RAD51D: variants seen among roughly 807,000 people sequenced by gnomAD.
RAD51D encodes the protein DNA repair protein RAD51 homolog 4.
In RAD51D, 38 loss-of-function variants were observed where a neutral mutation model predicts 44.1. That is an observed-to-expected ratio of 0.86 (90% CI 0.67 to 1.13). The LOEUF (loss-of-function observed/expected upper bound fraction) is 1.13. Among genes scored for constraint, RAD51D ranks in the 50% most tolerant of loss-of-function variants. The pLI is 0.00. For synonymous variants in RAD51D, 141 were observed against 166.6 expected (o/e 0.85, Z 1.18); for missense variants, 390 against 414.0 (o/e 0.94, Z 0.50).
intron 3 of RAD51D, among the ~76,000 whole-genome samples, chr17:35,113,763 G>A (rs2091704799): frequency 6.6e-6 from 1 of 152,148 alleles, no homozygotes; most frequent in Non-Finnish European, 1.5e-5. Context: ...CCCCAGTGTG[G>A]TCCCCAGACC....
At position 35,093,462 on chromosome 17, in the gene RAD51D, C is replaced by T. The variant is rs1227383090; in HGVS notation, c.*7491G>A. On this transcript the variant is annotated 3_prime_UTR_variant, in exon 10 of 10. Coordinates refer to ENST00000345365, the MANE Select transcript of RAD51D (RefSeq NM_002878.4). The stretch of plus-strand genomic sequence containing the variant: ...GAGAGGCCAAGGAAGAGCAGAGATT[C>T]AAGGGCTACTCAAAAAGTCAAATGT... 2.0e-5 allele frequency: 3 copies of T among 152,212 alleles called. No homozygotes were observed. The highest frequency in any genetic ancestry group is 1.3e-4 in the Admixed American group (2 of 15,284). 9.4% of individuals were successfully genotyped at this position (152,212 alleles called of 1,614,324 possible).
chr17:35,115,175 C>A, intron 3 of RAD51D: 1 of 456,512 alleles, frequency 2.2e-6, no homozygotes, highest in Non-Finnish European at 4.4e-6. Context: ...GGTTTTACCA[C>A]TGCCTAGAAT....
intron 3 of RAD51D, chr17:35,116,826 T>TG: frequency 1.4e-6 from 2 of 1,443,896 alleles, no homozygotes; most frequent in Non-Finnish European, 1.9e-6. Context: ...ACATGCTCAT[T>TG]GGTGGTTGTG....
At chr17:35,106,627 T>C (rs552950723) in intron 5 of RAD51D, 146 bp from the exon 6 acceptor site, 1 of 718,834 alleles carries the variant, frequency 1.4e-6, no homozygotes, top group East Asian at 2.7e-5. Flanking sequence ...GTTGTCACAG[T>C]GGTGGCTGCC....
chr17:35,101,567 C>T (rs980349114), intron 8 of RAD51D, among the ~76,000 whole-genome samples: 2 of 152,168 alleles, frequency 1.3e-5, no homozygotes, highest in Admixed American at 6.5e-5. Flanking sequence ...CTCGATGCCT[C>T]AGGTTTGACC....
intron 3 of RAD51D, among the ~76,000 whole-genome samples, chr17:35,110,997 C>T (rs1451589977): frequency 6.6e-6 from 1 of 151,842 alleles, no homozygotes; most frequent in Non-Finnish European, 1.5e-5. Context: ...CCCAGCTACC[C>T]GTGAGGTCGA....
At chr17:35,116,890 C>G (rs761294554) in intron 3 of RAD51D, 1 of 1,586,810 alleles carries the variant, frequency 6.3e-7, no homozygotes, top group Non-Finnish European at 8.6e-7. Flanking sequence ...CCTCGTTCAT[C>G]GAAAGCATTC....
At chr17:35,118,397 TAA>T in intron 3 of RAD51D, 102 bp downstream of exon 3, 7 of 858,192 alleles carry the variant, frequency 8.2e-6, no homozygotes, top group Non-Finnish European at 1.1e-5. Flanking sequence ...CATTATTGGT[TAA>T]AAAAAAAACC....
At position 35,094,239 on chromosome 17, in the gene RAD51D, C is replaced by G. The variant is rs777617930; in HGVS notation, c.*6714G>C. The G allele has an allele frequency of 6.6e-6, 1 of 152,162 alleles. No homozygotes were observed. Among genetic ancestry groups the G allele is most frequent in the Non-Finnish European group, 1.5e-5 (1 of 68,072 alleles). 9.4% of individuals were successfully genotyped at this position (152,162 alleles called of 1,614,324 possible). On this transcript the variant is annotated 3_prime_UTR_variant, in exon 10 of 10. Coordinates refer to ENST00000345365, the MANE Select transcript of RAD51D (RefSeq NM_002878.4). ...GCCTCAGCCTTCTGAGTAGCTGGAACTACAGGCACCCGCCACCACGCCCGG... is the reference window on the plus strand; with the variant it reads ...GCCTCAGCCTTCTGAGTAGCTGGAAGTACAGGCACCCGCCACCACGCCCGG...
Position 35,099,656 on chromosome 17 carries a change from T to C in RAD51D, c.*1297A>G, listed in dbSNP as rs1383090521. 2.6e-6 allele frequency: 1 copy of C among 380,044 alleles called. No homozygotes were observed. Among genetic ancestry groups the C allele is most frequent in the East Asian group, 5.6e-5 (1 of 18,002 alleles). The allele number at this position is 380,044 out of a possible 1,614,324, so 23.5% of individuals were successfully genotyped here. On this transcript the variant is annotated 3_prime_UTR_variant, in exon 10 of 10. Coordinates refer to ENST00000345365, the MANE Select transcript of RAD51D (RefSeq NM_002878.4). ...CCCTGTTGCATTCATCACCTCTAAA[T>C]GTCATTACTTTCTGAGTGTAACTCG...
Position 35,098,435 on chromosome 17 carries a change from T to C in RAD51D, c.*2518A>G. ...TTTTTTTTTTTTTTTTGAGACGGAGTCTCACTCTGTCGCTCAGGCTGGAGT... is the reference window on the plus strand; with the variant it reads ...TTTTTTTTTTTTTTTTGAGACGGAGCCTCACTCTGTCGCTCAGGCTGGAGT... On this transcript the variant is annotated 3_prime_UTR_variant, in exon 10 of 10. Coordinates refer to ENST00000345365, the MANE Select transcript of RAD51D (RefSeq NM_002878.4). 1 of 139,996 alleles carries C rather than the reference T, an allele frequency of 7.1e-6. No individual in the cohort carries two copies. 8.7% of individuals were successfully genotyped at this position (139,996 alleles called of 1,614,324 possible).
At chr17:35,104,838 CTTTTTTTT>C (rs777164109) in intron 6 of RAD51D, 1 of 141,932 alleles carries the variant, frequency 7.0e-6, no homozygotes, top group Admixed American at 7.1e-5. Context: ...CTTTCTTTTT[CTTTTTTTT>C]TTTTTTAAGA....
chr17:35,117,187 C>CTTGCCTCA, intron 3 of RAD51D: 1 of 843,682 alleles, frequency 1.2e-6, no homozygotes, highest in East Asian at 2.5e-5. Flanking sequence ...GGGCAGGGGC[C>CTTGCCTCA]TTGCCTCATT....
intron 3 of RAD51D, among the ~76,000 whole-genome samples, chr17:35,109,306 T>C (rs895435309): frequency 6.6e-6 from 1 of 152,246 alleles, no homozygotes; most frequent in African/African-American, 2.4e-5. Context: ...CATTCATCCA[T>C]TGAAGGGCAT....
intron 3 of RAD51D, among the ~76,000 whole-genome samples, chr17:35,108,621 T>C (rs1032437345): frequency 2.0e-5 from 3 of 152,036 alleles, no homozygotes; most frequent in Non-Finnish European, 4.4e-5. Context: ...AGCACGTGTG[T>C]TGATGTGTCT....
intron 3 of RAD51D, among the ~76,000 whole-genome samples, chr17:35,113,788 C>A (rs569125997): frequency 6.6e-6 from 1 of 152,280 alleles, no homozygotes; most frequent in African/African-American, 2.4e-5. Flanking sequence ...GCATCAGCAA[C>A]CTTTAAGGAC....
chr17:35,110,881 C>CG (rs548003632), intron 3 of RAD51D, among the ~76,000 whole-genome samples: 160 of 150,472 alleles, frequency 1.1e-3, no homozygotes, highest in African/African-American at 3.8e-3. Context: ...CCGAGGCGGG[C>CG]GATCACCTGA....
At chr17:35,117,864 T>C (rs1567734867) in intron 3 of RAD51D, among the ~76,000 whole-genome samples, 1 of 152,186 alleles carries the variant, frequency 6.6e-6, no homozygotes, top group Non-Finnish European at 1.5e-5. Context: ...GAATAAGTTC[T>C]GGGCCACATA....
chr17:35,100,376 T>C lies in RAD51D; in HGVS notation c.*577A>G, dbSNP rs1400915860. ...CTTCTAAGGGGAAATCAGGTGGCTC[T>C]AGGGCTCGGGGAATTGCCTTTTTAT... is the stretch of plus-strand genomic sequence containing the variant. On this transcript the variant is annotated 3_prime_UTR_variant, in exon 10 of 10. Coordinates refer to ENST00000345365, the MANE Select transcript of RAD51D (RefSeq NM_002878.4). 2 of 534,060 alleles carry C rather than the reference T, an allele frequency of 3.7e-6. No individual in the cohort carries two copies. Among genetic ancestry groups the C allele is most frequent in the East Asian group, 3.9e-5 (1 of 25,696 alleles). 33.1% of individuals were successfully genotyped at this position (534,060 alleles called of 1,614,324 possible).
Sources: allele counts gnomAD v4.1 joint callset (sites outside exome capture counted in the v4.1 genomes callset), GRCh38; gene constraint gnomAD v4.1.1; transcripts MANE v1.5; gene names NCBI Gene and HGNC (gene_info 2026-07-23, HGNC 2026-07-21).